Variants in TCERG1 observed in about 807,000 individuals in gnomAD.
TCERG1 encodes transcription elongation regulator 1, also known as TATA box binding protein (TBP)-associated factor, RNA polymerase II, S, 150kD.
TCERG1 carries 37 observed loss-of-function variants against 144.7 expected under a neutral mutation model. The ratio of observed to expected loss-of-function variants is 0.26; its 90% confidence interval spans 0.20 to 0.34. The LOEUF (loss-of-function observed/expected upper bound fraction) is 0.34. Ranked by LOEUF, TCERG1 falls within the 10% of genes least tolerant of loss-of-function variation. The pLI is 1.00. For missense variants in TCERG1, 1,027 were observed against 1,380.7 expected, an observed-to-expected ratio of 0.74 and a Z score of 4.06; for synonymous variants, 492 against 458.2, an observed-to-expected ratio of 1.07 and a Z score of -0.94.
At chr5:146,509,059 A>G (rs574450784) in intron 21 of TCERG1, 86 bp from the exon 22 acceptor site, 2 of 681,426 alleles carry the variant, frequency 2.9e-6, no homozygotes, top group Admixed American at 3.1e-5. Flanking sequence ...TGACTTACAC[A>G]TTACTGTTTA....
intron 1 of TCERG1, among the ~76,000 whole-genome samples, chr5:146,449,662 T>C (rs1762189970): frequency 6.6e-6 from 1 of 152,230 alleles, no homozygotes; most frequent in Non-Finnish European, 1.5e-5. Flanking sequence ...TGTTTGTATT[T>C]CCATGATGTT....
In TCERG1 at chr5:146,447,513, C is replaced by T. The variant is rs193225936; in HGVS notation, c.59+105C>T. The T allele has an allele frequency of 8.0e-5, 115 of 1,431,294 alleles. 1 individual carries two copies. Among genetic ancestry groups the T allele is most frequent in the African/African-American group, 7.9e-4 (54 of 68,404 alleles). The allele number at this position is 1,431,294 out of a possible 1,614,324, so 88.7% of individuals were successfully genotyped here. A position where few individuals can be genotyped will look rare whatever the true frequency, so the allele number is the denominator to read the frequency against. On this transcript the variant is annotated intron_variant, in intron 1 of 22. Coordinates refer to ENST00000679501, the MANE Select transcript of TCERG1 (RefSeq NM_001382548.1). ...CGGGGCGGACGGTGGGTAGCGGAGCCGGGCGGCCCGGGCCGGGACCGCATG... is the reference window on the plus strand; with the variant it reads ...CGGGGCGGACGGTGGGTAGCGGAGCTGGGCGGCCCGGGCCGGGACCGCATG...
intron 1 of TCERG1, among the ~76,000 whole-genome samples, chr5:146,453,547 T>C (rs1171487081): frequency 2.0e-5 from 3 of 152,234 alleles, no homozygotes; most frequent in Non-Finnish European, 2.9e-5. Context: ...TATAATACTT[T>C]AATCTGTTGT....
chr5:146,503,756 T>TCC, intron 18 of TCERG1, 68 bp from the exon 19 acceptor site: 1 of 1,502,234 alleles, frequency 6.7e-7, no homozygotes. Context: ...TTTGGCAAGC[T>TCC]AGTTATTCTG....
intron 17 of TCERG1, chr5:146,499,932 T>C (rs1435332537): frequency 6.6e-6 from 1 of 152,170 alleles, no homozygotes; most frequent in African/African-American, 2.4e-5. Flanking sequence ...GAGGAAAGAA[T>C]TGGTATCTCT....
intron 7 of TCERG1, 114 bp from the exon 8 acceptor site, chr5:146,470,522 T>G: frequency 1.2e-6 from 1 of 842,322 alleles, no homozygotes; most frequent in Non-Finnish European, 1.8e-6. Flanking sequence ...GGAAAGACAT[T>G]TTATCTTCAT....
chr5:146,457,347 A>G lies in TCERG1; in HGVS notation c.438+12A>G, dbSNP rs1581386232. 6.3e-7 allele frequency: 1 copy of G among 1,598,736 alleles called. No individual in the cohort carries two copies. Among genetic ancestry groups the G allele is most frequent in the East Asian group, 2.2e-5 (1 of 44,532 alleles). ...CTCCAGATGGGAAGGTAAATAATAA[A>G]ATATATTTAAGTTGTCATTTGTTGA... On this transcript the variant is annotated intron_variant, in intron 3 of 22. Transcript: ENST00000679501.
At chr5:146,450,387 A>C (rs1345024799) in intron 1 of TCERG1, among the ~76,000 whole-genome samples, 1 of 152,240 alleles carries the variant, frequency 6.6e-6, no homozygotes, top group Admixed American at 6.5e-5. Context: ...TGAAATATTT[A>C]AAGGAAAAGA....
rs368386181 is a variant in TCERG1 at position 146,478,477 on chromosome 5, T to A, written c.1602-16T>A. ...TTCTGTAACATAAGAGAATGATATTTTGCATCAATTCTTAGGTGTGTCGTT... is the reference window on the plus strand; with the variant it reads ...TTCTGTAACATAAGAGAATGATATTATGCATCAATTCTTAGGTGTGTCGTT... On this transcript the variant is annotated splice_polypyrimidine_tract_variant and intron_variant, in intron 9 of 22. Transcript: ENST00000679501. The A allele has an allele frequency of 1.3e-5, 20 of 1,561,866 alleles. No homozygotes were observed. The highest frequency in any genetic ancestry group is 2.8e-5 in the African/African-American group (2 of 72,378).
chr5:146,488,820 A>G (rs919930756), intron 15 of TCERG1, among the ~76,000 whole-genome samples: 2 of 152,230 alleles, frequency 1.3e-5, no homozygotes, highest in African/African-American at 4.8e-5. Context: ...TACAGAATCA[A>G]CCTAGGTGTC....
intron 5 of TCERG1, among the ~76,000 whole-genome samples, chr5:146,464,493 T>G (rs116032531): frequency 3.0e-4 from 45 of 152,340 alleles, no homozygotes; most frequent in African/African-American, 1.1e-3. Flanking sequence ...ATGTGTTATA[T>G]TGTCTTAAGA....
chr5:146,490,234 CTG>C (rs1766265826), intron 15 of TCERG1, among the ~76,000 whole-genome samples: 1 of 152,124 alleles, frequency 6.6e-6, no homozygotes, highest in Admixed American at 6.5e-5. Flanking sequence ...CCCTCCTTAT[CTG>C]TGGAGGATAT....
chr5:146,463,823 A>C (rs1763544007), intron 5 of TCERG1, 30 bp downstream of exon 5: 2 of 1,612,862 alleles, frequency 1.2e-6, no homozygotes, highest in Non-Finnish European at 1.7e-6. Context: ...TGGTCTTTCC[A>C]GCTATGTTTT....
intron 3 of TCERG1, 109 bp from the exon 4 acceptor site, chr5:146,458,775 G>A (rs1763056624): frequency 7.0e-7 from 1 of 1,428,834 alleles, no homozygotes; most frequent in Middle Eastern, 1.9e-4. Flanking sequence ...CACCACGCCT[G>A]GCCCTACGTT....
chr5:146,474,219 A>G (rs768447067), intron 9 of TCERG1, among the ~76,000 whole-genome samples: 1 of 152,092 alleles, frequency 6.6e-6, no homozygotes, highest in Non-Finnish European at 1.5e-5. Context: ...GTTGATACCA[A>G]CTCTCATGGA....
intron 15 of TCERG1, among the ~76,000 whole-genome samples, chr5:146,491,823 T>C (rs888877749): frequency 1.3e-5 from 2 of 152,222 alleles, no homozygotes; most frequent in Non-Finnish European, 2.9e-5. Flanking sequence ...TTGCAACTGC[T>C]GTTTTAAGTG....
At chr5:146,500,220 A>G (rs756338150) in intron 17 of TCERG1, among the ~76,000 whole-genome samples, 7 of 152,038 alleles carry the variant, frequency 4.6e-5, no homozygotes, top group South Asian at 2.1e-4. Context: ...TTCTCAGCCA[A>G]TTTAAAGAAT....
At chr5:146,453,675 C>T (rs151223017) in intron 1 of TCERG1, among the ~76,000 whole-genome samples, 36 of 151,946 alleles carry the variant, frequency 2.4e-4, no homozygotes, top group African/African-American at 7.7e-4. Context: ...TGGTGGCTCA[C>T]GCATGTAATC....
intron 17 of TCERG1, among the ~76,000 whole-genome samples, chr5:146,501,980 T>C (rs1017664789): frequency 2.8e-5 from 4 of 143,224 alleles, no homozygotes; most frequent in African/African-American, 1.0e-4. Context: ...CTGCCACCTC[T>C]GCCTCCTGGG....
Sources: allele counts gnomAD v4.1 joint callset (sites outside exome capture counted in the v4.1 genomes callset), GRCh38; gene constraint gnomAD v4.1.1; transcripts MANE v1.5; gene names NCBI Gene and HGNC (gene_info 2026-07-23, HGNC 2026-07-21).